XKR4: variants seen among roughly 807,000 people sequenced by gnomAD.
The protein encoded by XKR4 is XK related 4.
A neutral mutation model predicts 53.9 loss-of-function variants in XKR4; 12 were observed. The observed-to-expected ratio is 0.22, with a 90% CI of 0.14 to 0.36. XKR4 has a LOEUF of 0.36. Ranked by LOEUF, XKR4 falls within the 10% of genes least tolerant of loss-of-function variation. The pLI is 1.00. For missense variants in XKR4, 799 were observed against 859.5 expected (o/e 0.93, Z 0.88); for synonymous variants, 354 against 362.4 (o/e 0.98, Z 0.26).
At chr8:55,265,193 G>A (rs1192534303) in intron 1 of XKR4, among the ~76,000 whole-genome samples, 1 of 152,226 alleles carries the variant, frequency 6.6e-6, no homozygotes, top group Non-Finnish European at 1.5e-5. Flanking sequence ...CATTCCTGGT[G>A]AAGATGCACC....
At chr8:55,370,309 C>T (rs1804053892) in intron 2 of XKR4, among the ~76,000 whole-genome samples, 1 of 152,134 alleles carries the variant, frequency 6.6e-6, no homozygotes, top group Non-Finnish European at 1.5e-5. Flanking sequence ...GAGAATGGGG[C>T]AAATCCGTTG....
At chr8:55,398,484 G>T (rs1396899601) in intron 2 of XKR4, among the ~76,000 whole-genome samples, 1 of 152,196 alleles carries the variant, frequency 6.6e-6, no homozygotes, top group South Asian at 2.1e-4. Context: ...TCCGTTCTTT[G>T]TTGGTAGGAT....
At chr8:55,216,508 A>T (rs1243175693) in intron 1 of XKR4, among the ~76,000 whole-genome samples, 1 of 152,174 alleles carries the variant, frequency 6.6e-6, no homozygotes, top group Non-Finnish European at 1.5e-5. Flanking sequence ...CGGGCTGATC[A>T]CCTGAGGTCA....
intron 2 of XKR4, among the ~76,000 whole-genome samples, chr8:55,358,316 T>TGA (rs146433334): frequency 7.3e-5 from 11 of 150,324 alleles, no homozygotes; most frequent in East Asian, 1.9e-4. Flanking sequence ...CTTTTGATGT[T>TGA]GAGAGAGAGA....
At chr8:55,140,084 C>A in intron 1 of XKR4, 2 of 351,674 alleles carry the variant, frequency 5.7e-6, no homozygotes, top group Admixed American at 4.0e-5. Context: ...ATTAGAAAAA[C>A]AGTACCTCTT....
chr8:55,453,906 C>T, intron 2 of XKR4: 1 of 610,370 alleles, frequency 1.6e-6, no homozygotes. Context: ...ACAAAGAGAG[C>T]AAAGGCCATG....
intron 1 of XKR4, among the ~76,000 whole-genome samples, chr8:55,189,055 G>A (rs1817412364): frequency 6.6e-6 from 1 of 152,172 alleles, no homozygotes; most frequent in South Asian, 2.1e-4. Context: ...GGTCCAAGCT[G>A]AGATAAACAG....
chr8:55,197,674 G>T (rs1817522464), intron 1 of XKR4, among the ~76,000 whole-genome samples: 1 of 151,760 alleles, frequency 6.6e-6, no homozygotes, highest in Non-Finnish European at 1.5e-5. Context: ...CTCCCAAGTA[G>T]CTGGGACTAC....
intron 1 of XKR4, among the ~76,000 whole-genome samples, chr8:55,149,781 C>T (rs1816817722): frequency 6.6e-6 from 1 of 152,192 alleles, no homozygotes; most frequent in Non-Finnish European, 1.5e-5. Context: ...GAAGCAGGTG[C>T]TGCCTTAAGA....
Position 55,451,483 on chromosome 8 carries a change from T to C in XKR4, c.1007-71798T>C, listed in dbSNP as rs1228803084. 1.7e-5 allele frequency: 20 copies of C among 1,186,952 alleles called. No individual in the cohort carries two copies. In the South Asian group the frequency reaches 2.7e-4, roughly 16 times the overall value. The allele number at this position is 1,186,952 out of a possible 1,614,324, so 73.5% of individuals were successfully genotyped here. On this transcript the variant is annotated intron_variant, in intron 2 of 2. Transcript: ENST00000327381. The stretch of plus-strand genomic sequence containing the variant: ...CTGCTCCAGGCTACTCGAGTCTGCC[T>C]GGAACTGGCCTGGAGAAGGTGCGTT...
intron 1 of XKR4, among the ~76,000 whole-genome samples, chr8:55,236,590 C>T (rs1818130175): frequency 6.6e-6 from 1 of 152,128 alleles, no homozygotes; most frequent in South Asian, 2.1e-4. Context: ...CCATGGGTGA[C>T]CAGACTCAAT....
chr8:55,524,174 T>G lies in XKR4; in HGVS notation c.1900T>G (p.Tyr634Asp). The G allele has an allele frequency of 6.2e-7, 1 of 1,614,208 alleles. No homozygotes were observed. Among genetic ancestry groups the G allele is most frequent in the Non-Finnish European group, 8.5e-7 (1 of 1,180,028 alleles). Residue 634 changes from tyrosine to aspartate, a missense_variant, in exon 3 of 3, where the codon TAC becomes GAC. Tyr to Asp is a radical substitution (Grantham distance 160, BLOSUM62 -3). This residue lies in a region of XKR4 where 269 missense variants were observed against 264.4 expected (regional missense o/e 1.02). Transcript: ENST00000327381. ...TTCCCCATCTCCTCCAAGGCTGCAGTACAAAGATGATGCCCTTATTCAGGA... is the reference window on the plus strand; with the variant it reads ...TTCCCCATCTCCTCCAAGGCTGCAGGACAAAGATGATGCCCTTATTCAGGA... ...ECSPSPPRLQYKDDALIQERL... is the reference protein window; with the variant it reads ...ECSPSPPRLQDKDDALIQERL...
intron 2 of XKR4, among the ~76,000 whole-genome samples, chr8:55,400,026 A>G (rs1302276597): frequency 1.3e-5 from 2 of 152,170 alleles, no homozygotes; most frequent in Non-Finnish European, 2.9e-5. Context: ...ACTTGCACTC[A>G]AGGGCATCTC....
intron 2 of XKR4, chr8:55,452,305 G>T: frequency 1.6e-6 from 1 of 644,956 alleles, no homozygotes; most frequent in Non-Finnish European, 2.9e-6. Flanking sequence ...TCCTTGGTCA[G>T]CGCGGCCACC....
At chr8:55,305,863 C>G (rs1191827753) in intron 1 of XKR4, among the ~76,000 whole-genome samples, 1 of 152,146 alleles carries the variant, frequency 6.6e-6, no homozygotes, top group Admixed American at 6.5e-5. Flanking sequence ...AAATAAAACT[C>G]TTTCCTACCC....
intron 1 of XKR4, among the ~76,000 whole-genome samples, chr8:55,221,480 T>C (rs1817879920): frequency 6.6e-6 from 1 of 152,150 alleles, no homozygotes; most frequent in African/African-American, 2.4e-5. Context: ...GCCCACACAC[T>C]GAAGGCCCTG....
At chr8:55,511,992 A>G (rs1337936553) in intron 2 of XKR4, among the ~76,000 whole-genome samples, 2 of 152,194 alleles carry the variant, frequency 1.3e-5, no homozygotes, top group Non-Finnish European at 2.9e-5. Context: ...GCTAGGATTC[A>G]GAATGACCAA....
At position 55,535,320 on chromosome 8, in the gene XKR4, T is replaced by C. The variant is rs1807017287; in HGVS notation, c.*11093T>C. On this transcript the variant is annotated 3_prime_UTR_variant, in exon 3 of 3. Transcript: ENST00000327381. ...ATACATGTGCCATGTTGGTGTGCTG[T>C]ACCTATTAACTCGTCATTTAGCATC... The C allele has an allele frequency of 6.6e-6, 1 of 151,872 alleles. No individual in the cohort carries two copies. The highest frequency in any genetic ancestry group is 2.4e-5 in the African/African-American group (1 of 41,338). 9.4% of individuals were successfully genotyped at this position (151,872 alleles called of 1,614,324 possible). A position where few individuals can be genotyped will look rare whatever the true frequency, so the allele number is the denominator to read the frequency against.
chr8:55,516,905 A>C (rs974630539), intron 2 of XKR4, among the ~76,000 whole-genome samples: 9 of 152,204 alleles, frequency 5.9e-5, no homozygotes, highest in Non-Finnish European at 1.3e-4. Flanking sequence ...GGATTAAAAA[A>C]AATATGGTAC....
Sources: allele counts gnomAD v4.1 joint callset (sites outside exome capture counted in the v4.1 genomes callset), GRCh38; gene constraint gnomAD v4.1.1; regional missense constraint gnomAD v4.1.1; transcripts MANE v1.5; gene names NCBI Gene and HGNC (gene_info 2026-07-23, HGNC 2026-07-21).